The following DLGAP1 variants were observed in gnomAD, a reference collection of about 807,000 sequenced individuals.
DLGAP1 encodes DLG associated protein 1.
Under a neutral mutation model 90.8 loss-of-function variants are expected in DLGAP1, and 11 were observed. The ratio of observed to expected loss-of-function variants is 0.12; its 90% CI spans 0.08 to 0.20. DLGAP1 has a LOEUF of 0.20. Ranked by LOEUF, DLGAP1 falls within the 10% of genes least tolerant of loss-of-function variation. The probability of loss-of-function intolerance (pLI) is 1.00; values close to 1 mark genes in which losing one functional copy is unlikely to be tolerated. For synonymous variants in DLGAP1, 558 were observed against 540.7 expected, an observed-to-expected ratio of 1.03 and a Z score of -0.44; for missense variants, 1,050 against 1,333.8, an observed-to-expected ratio of 0.79 and a Z score of 3.31.
chr18:4,422,369 T>G (rs545023804), intron 1 of DLGAP1, among the ~76,000 whole-genome samples: 1 of 152,112 alleles, frequency 6.6e-6, no homozygotes, highest in African/African-American at 2.4e-5. Context: ...AATAACATTT[T>G]AGTAAAAATA....
chr18:3,825,295 T>C (rs984184409), intron 4 of DLGAP1, among the ~76,000 whole-genome samples: 6 of 152,238 alleles, frequency 3.9e-5, no homozygotes, highest in African/African-American at 1.4e-4. Context: ...GAAGTATTCA[T>C]TCACTTGTTC....
At chr18:4,358,748 G>T (rs1231913086) in intron 1 of DLGAP1, among the ~76,000 whole-genome samples, 1 of 152,182 alleles carries the variant, frequency 6.6e-6, no homozygotes, top group African/African-American at 2.4e-5. Flanking sequence ...GTCTGCTTTG[G>T]GCCTAGGGCT....
intron 1 of DLGAP1, among the ~76,000 whole-genome samples, chr18:4,384,876 T>G (rs151005679): frequency 2.6e-5 from 4 of 152,312 alleles, no homozygotes; most frequent in Non-Finnish European, 5.9e-5. Context: ...AATTAGAATA[T>G]CTTTGATGCT....
intron 10 of DLGAP1, among the ~76,000 whole-genome samples, chr18:3,532,904 A>C (rs1365339054): frequency 1.3e-5 from 2 of 152,130 alleles, no homozygotes; most frequent in African/African-American, 4.8e-5. Context: ...TAATTTGATT[A>C]TTTTTCTTTT....
chr18:4,184,561 G>A (rs2077260298), intron 1 of DLGAP1, among the ~76,000 whole-genome samples: 1 of 151,932 alleles, frequency 6.6e-6, no homozygotes, highest in Non-Finnish European at 1.5e-5. Flanking sequence ...CAGACATGCC[G>A]ATTTCGTTCA....
chr18:3,667,226 C>T (rs1418428363), intron 7 of DLGAP1, among the ~76,000 whole-genome samples: 3 of 152,002 alleles, frequency 2.0e-5, no homozygotes, highest in Admixed American at 6.6e-5. Context: ...TACAGACATG[C>T]GCCACCACCA....
chr18:3,615,604 G>C (rs1023765543), intron 7 of DLGAP1, among the ~76,000 whole-genome samples: 20 of 152,266 alleles, frequency 1.3e-4, no homozygotes, highest in Admixed American at 3.9e-4. Context: ...CGATGGAGAT[G>C]GGGGAGGCCA....
In DLGAP1 at chr18:4,148,738, G is replaced by A. The variant is rs201205254; in HGVS notation, c.-159+2442C>T. Among the ~76,000 whole-genome samples, 7 of 152,106 alleles carry A rather than the reference G, an allele frequency of 4.6e-5. No homozygotes were observed. In the East Asian group the frequency reaches 5.8e-4, roughly 13 times the overall value. ...TCCCCTCCACTTTAATTTCCTTCAC[G>A]AGGAAATCTGCATGCAAATGCACAT... On this transcript the variant is annotated intron_variant, in intron 2 of 12. Transcript: ENST00000315677.
chr18:4,364,530 A>G (rs2081714155), intron 1 of DLGAP1, among the ~76,000 whole-genome samples: 1 of 152,120 alleles, frequency 6.6e-6, no homozygotes, highest in African/African-American at 2.4e-5. Context: ...TAATGGCAAT[A>G]AAACATGGGA....
intron 7 of DLGAP1, among the ~76,000 whole-genome samples, chr18:3,648,740 A>G (rs923754707): frequency 6.6e-6 from 1 of 152,332 alleles, no homozygotes; most frequent in African/African-American, 2.4e-5. Context: ...CTTTCACTAG[A>G]CTGCCAAAAT....
chr18:4,004,659 T>A (rs1418318471), intron 3 of DLGAP1, among the ~76,000 whole-genome samples: 3 of 152,184 alleles, frequency 2.0e-5, no homozygotes, highest in Non-Finnish European at 4.4e-5. Flanking sequence ...CAGTCTATAA[T>A]AACCAGTGTG....
At chr18:3,776,024 A>G (rs2148069524) in intron 5 of DLGAP1, among the ~76,000 whole-genome samples, 1 of 152,286 alleles carries the variant, frequency 6.6e-6, no homozygotes, top group South Asian at 2.1e-4. Flanking sequence ...CTCAGCCCTC[A>G]AGAGCTGTCA....
intron 7 of DLGAP1, among the ~76,000 whole-genome samples, chr18:3,701,572 T>C (rs1412052894): frequency 1.3e-5 from 2 of 152,120 alleles, no homozygotes; most frequent in Non-Finnish European, 2.9e-5. Context: ...AGATTAGAAG[T>C]TGTTGGAGAA....
chr18:3,930,714 G>A (rs2072497608), intron 3 of DLGAP1, among the ~76,000 whole-genome samples: 1 of 152,088 alleles, frequency 6.6e-6, no homozygotes, highest in Admixed American at 6.6e-5. Context: ...ACATGCTGAG[G>A]GACACTGATG....
intron 1 of DLGAP1, among the ~76,000 whole-genome samples, chr18:4,276,274 G>C (rs916954017): frequency 1.3e-5 from 2 of 151,922 alleles, no homozygotes; most frequent in Middle Eastern, 3.4e-3. Context: ...CTATAGTGTG[G>C]AGAATTGTAA....
chr18:4,245,986 G>A (rs190824381), intron 1 of DLGAP1, among the ~76,000 whole-genome samples: 167 of 152,196 alleles, frequency 1.1e-3, no homozygotes, highest in Admixed American at 3.2e-3. Context: ...ATATTCAAAC[G>A]TTACCACTGA....
chr18:3,795,401 C>T lies in DLGAP1; in HGVS notation c.1172+18658G>A, dbSNP rs528253894. On this transcript the variant is annotated intron_variant, in intron 5 of 12. Transcript: ENST00000315677. ...CATGATCTTGGCTCACTGCAACCTCCGCCCCCTGGGTTCAAGCGATTCTCC... is the reference window on the plus strand; with the variant it reads ...CATGATCTTGGCTCACTGCAACCTCTGCCCCCTGGGTTCAAGCGATTCTCC... Among the ~76,000 whole-genome samples the T allele has an allele frequency of 2.4e-3, 359 of 152,164 alleles. 3 individuals carry two copies. The highest frequency in any genetic ancestry group is 8.2e-3 in the African/African-American group (340 of 41,516).
intron 7 of DLGAP1, among the ~76,000 whole-genome samples, chr18:3,639,584 C>T (rs537292496): frequency 1.3e-4 from 20 of 151,964 alleles, no homozygotes; most frequent in African/African-American, 4.6e-4. Flanking sequence ...AATCACAGCC[C>T]ATTGGCTTAA....
chr18:4,004,361 GC>G (rs202071553), intron 3 of DLGAP1, among the ~76,000 whole-genome samples: 10,024 of 152,090 alleles, frequency 0.066, 953 homozygotes, highest in African/African-American at 0.21. Flanking sequence ...TCGGGGAACA[GC>G]TACCCCCGAG....
Sources: allele counts gnomAD v4.1 joint callset (sites outside exome capture counted in the v4.1 genomes callset), GRCh38; gene constraint gnomAD v4.1.1; transcripts MANE v1.5; gene names NCBI Gene and HGNC (gene_info 2026-07-23, HGNC 2026-07-21).